The following RBFOX1 variants were observed in gnomAD, a reference collection of about 807,000 sequenced individuals.
RBFOX1 encodes the protein RNA binding fox-1 homolog 1, also known as RNA binding protein fox-1 homolog 1.
RBFOX1 carries 8 observed loss-of-function variants against 57.7 expected under a neutral mutation model. The ratio of observed to expected loss-of-function variants is 0.14; its 90% CI spans 0.08 to 0.25. The LOEUF is 0.25. RBFOX1 is among the 10% of genes least tolerant of loss of function. RBFOX1 has a pLI of 1.00. For missense variants in RBFOX1, 611 were observed against 548.5 expected, an observed-to-expected ratio of 1.11 and a Z score of -1.14; for synonymous variants, 326 against 222.4, an observed-to-expected ratio of 1.47 and a Z score of -4.15.
chr16:7,453,527 A>C (rs528765429), intron 4 of RBFOX1, among the ~76,000 whole-genome samples: 16 of 152,340 alleles, frequency 1.1e-4, no homozygotes, highest in Non-Finnish European at 2.1e-4. Context: ...GGTCCTTTAG[A>C]AGGCATTGTG....
At chr16:6,495,185 C>G (rs527893317) in intron 2 of RBFOX1, among the ~76,000 whole-genome samples, 1 of 152,248 alleles carries the variant, frequency 6.6e-6, no homozygotes, top group African/African-American at 2.4e-5. Context: ...GTGGTGGAAT[C>G]TCGGCTCATT....
Position 6,483,890 on chromosome 16 carries a change from G to C in RBFOX1, c.-64+166833G>C, listed in dbSNP as rs1016042996. The C allele has an allele frequency of 2.0e-5, 23 of 1,156,344 alleles. No individual in the cohort carries two copies. In the East Asian group the frequency reaches 9.1e-4, roughly 46 times the overall value. The allele number at this position is 1,156,344 out of a possible 1,614,324, so 71.6% of individuals were successfully genotyped here. On this transcript the variant is annotated intron_variant, in intron 2 of 15. Transcript: ENST00000550418. ...ACCGGAGATGGAAGGATGAGGCTGCGTTTGCAGCGCGTGAATGGGACGCGG... is the reference window on the plus strand; with the variant it reads ...ACCGGAGATGGAAGGATGAGGCTGCCTTTGCAGCGCGTGAATGGGACGCGG...
At chr16:5,240,553 G>A (rs2062139939) in intron 1 of RBFOX1, among the ~76,000 whole-genome samples, 1 of 152,170 alleles carries the variant, frequency 6.6e-6, no homozygotes, top group African/African-American at 2.4e-5. Context: ...TGGGCTGCGG[G>A]CTGGCGGCGC....
At chr16:5,687,780 G>T (rs1400747607) in intron 3 of RBFOX1, among the ~76,000 whole-genome samples, 1 of 152,178 alleles carries the variant, frequency 6.6e-6, no homozygotes, top group East Asian at 1.9e-4. Flanking sequence ...TAATGGCTCT[G>T]CTGTCGGAGT....
chr16:7,282,494 T>C (rs898815519), intron 4 of RBFOX1, among the ~76,000 whole-genome samples: 4 of 152,164 alleles, frequency 2.6e-5, no homozygotes, highest in African/African-American at 9.7e-5. Flanking sequence ...GTGGATTTTC[T>C]GCTGCCTTTT....
At chr16:7,563,970 G>A (rs1378160954) in intron 5 of RBFOX1, among the ~76,000 whole-genome samples, 1 of 152,186 alleles carries the variant, frequency 6.6e-6, no homozygotes, top group African/African-American at 2.4e-5. Flanking sequence ...GGATAACTGA[G>A]CACCTGATTT....
At chr16:7,502,920 G>T (rs976642049) in intron 4 of RBFOX1, among the ~76,000 whole-genome samples, 2 of 152,262 alleles carry the variant, frequency 1.3e-5, no homozygotes, top group South Asian at 4.1e-4. Flanking sequence ...CTACTCGGGA[G>T]CCTGAGGCAG....
chr16:6,555,668 C>G (rs1444770769), intron 2 of RBFOX1, among the ~76,000 whole-genome samples: 1 of 151,986 alleles, frequency 6.6e-6, no homozygotes, highest in Admixed American at 6.6e-5. Flanking sequence ...CCACTGCACT[C>G]CAGCCTGGGC....
intron 1 of RBFOX1, among the ~76,000 whole-genome samples, chr16:5,462,174 T>C (rs1437867616): frequency 0.012 from 1,726 of 147,958 alleles, 44 homozygotes; most frequent in African/African-American, 0.041. Flanking sequence ...CTTTCTTTTT[T>C]TTTTTTTTTT....
chr16:7,710,778 G>C lies in RBFOX1; in HGVS notation c.*33G>C. On this transcript the variant is annotated 3_prime_UTR_variant, in exon 16 of 16. Coordinates refer to ENST00000550418, the MANE Select transcript of RBFOX1 (RefSeq NM_018723.4). Reference sequence around the variant, plus strand: ...AACCATAAAAACCTTCCAATGTGGGGAGAAAGGAAGCTTTCCGAGGCCTGA... The same window carrying C: ...AACCATAAAAACCTTCCAATGTGGGCAGAAAGGAAGCTTTCCGAGGCCTGA... 6.7e-7 allele frequency: 1 copy of C among 1,502,808 alleles called. No individual in the cohort carries two copies. Among genetic ancestry groups the C allele is most frequent in the Non-Finnish European group, 8.9e-7 (1 of 1,121,616 alleles). The allele number at this position is 1,502,808 out of a possible 1,614,324, so 93.1% of individuals were successfully genotyped here. A position where few individuals can be genotyped will look rare whatever the true frequency, so the allele number is the denominator to read the frequency against.
In RBFOX1 at chr16:5,284,756, A is replaced by AATTTTTTTT. The variant is rs1303967371; in HGVS notation, c.219+44651_219+44652insATTTTTTTT. Among the ~76,000 whole-genome samples, 133 of 61,038 alleles carry AATTTTTTTT rather than the reference A, an allele frequency of 2.2e-3. 1 individual carries two copies. The highest frequency in any genetic ancestry group is 0.018 in the Middle Eastern group (1 of 56). 40.0% of individuals were successfully genotyped at this position (61,038 alleles called of 152,430 possible). ...GCTGGGTATAGTAGTTTTGGCTTAG[A>AATTTTTTTT]TTTTTTTTTTTTTTTTTTTTTTTTT... is the stretch of plus-strand genomic sequence containing the variant. On this transcript the variant is annotated intron_variant, in intron 1 of 2. Transcript: ENST00000585867.
At chr16:7,535,203 G>T (rs1487640920) in intron 5 of RBFOX1, among the ~76,000 whole-genome samples, 8 of 152,112 alleles carry the variant, frequency 5.3e-5, no homozygotes, top group Non-Finnish European at 1.0e-4. Context: ...TAATGTATTG[G>T]ATTACTTTGC....
intron 4 of RBFOX1, among the ~76,000 whole-genome samples, chr16:7,365,000 C>G (rs1294676647): frequency 7.3e-6 from 1 of 137,046 alleles, no homozygotes; most frequent in Non-Finnish European, 1.7e-5. Context: ...TTTGGGGAAT[C>G]TATCTGTCTG....
At chr16:6,966,781 A>ATCTGTCTGTCTG (rs1214517275) in intron 3 of RBFOX1, among the ~76,000 whole-genome samples, 1 of 59,852 alleles carries the variant, frequency 1.7e-5, no homozygotes, top group African/African-American at 4.2e-5. Context: ...CTATCTATCT[A>ATCTGTCTGTCTG]TCTATCTATC....
intron 3 of RBFOX1, among the ~76,000 whole-genome samples, chr16:6,949,450 C>T (rs1337961979): frequency 2.0e-5 from 3 of 152,162 alleles, no homozygotes; most frequent in Non-Finnish European, 4.4e-5. Context: ...GCGTAAGCAA[C>T]ACAGATTTGT....
At chr16:5,884,225 C>T (rs1211377897) in intron 4 of RBFOX1, among the ~76,000 whole-genome samples, 3 of 152,158 alleles carry the variant, frequency 2.0e-5, no homozygotes, top group Non-Finnish European at 4.4e-5. Flanking sequence ...ATAACTCCCC[C>T]ATAGAGAACC....
chr16:6,909,384 C>T (rs536283906), intron 3 of RBFOX1, among the ~76,000 whole-genome samples: 1 of 152,194 alleles, frequency 6.6e-6, no homozygotes, highest in East Asian at 1.9e-4. Flanking sequence ...CCTGGCAACT[C>T]TTCCATTTCA....
At position 5,904,931 on chromosome 16, in the gene RBFOX1, C is replaced by T. The variant is rs372889996; in HGVS notation, c.351+37596C>T. On this transcript the variant is annotated intron_variant, in intron 4 of 19. Coordinates refer to the RBFOX1 transcript ENST00000641259. ...GGCGGAGCTTGCAGTGAGCCGAGATCGCACCAATGCACTCCAGCCTGGGCG... is the reference window on the plus strand; with the variant it reads ...GGCGGAGCTTGCAGTGAGCCGAGATTGCACCAATGCACTCCAGCCTGGGCG... Among the ~76,000 whole-genome samples, 694 of 139,624 alleles carry T rather than the reference C, an allele frequency of 5.0e-3. 5 individuals are homozygous for T. Among genetic ancestry groups the T allele is most frequent in the African/African-American group, 0.018 (656 of 37,108 alleles). The allele number at this position is 139,624 out of a possible 152,430, so 91.6% of individuals were successfully genotyped here.
chr16:6,635,291 C>G (rs985366841), intron 2 of RBFOX1, among the ~76,000 whole-genome samples: 3 of 151,482 alleles, frequency 2.0e-5, no homozygotes, highest in Non-Finnish European at 4.4e-5. Flanking sequence ...TGTTGTTAAC[C>G]TTGTCTCTGA....
Sources: allele counts gnomAD v4.1 joint callset (sites outside exome capture counted in the v4.1 genomes callset), GRCh38; gene constraint gnomAD v4.1.1; transcripts MANE v1.5; gene names NCBI Gene and HGNC (gene_info 2026-07-23, HGNC 2026-07-21).